ARHGEF3: variants seen among roughly 807,000 people sequenced by gnomAD.
ARHGEF3 encodes the protein 59.8 kDA protein.
Under a neutral mutation model 63.2 loss-of-function variants are expected in ARHGEF3, and 28 were observed. The ratio of observed to expected loss-of-function variants is 0.44; its 90% CI spans 0.33 to 0.61. The LOEUF (loss-of-function observed/expected upper bound fraction) is 0.61, where lower values mean the gene tolerates loss of function less well. ARHGEF3 is among the 20% of genes least tolerant of loss of function. The pLI is 0.03. For synonymous variants in ARHGEF3, 266 were observed against 254.2 expected (o/e 1.05, Z -0.44); for missense variants, 533 against 659.3 (o/e 0.81, Z 2.10).
At chr3:56,960,283 T>C (rs1443075357) in intron 2 of ARHGEF3, among the ~76,000 whole-genome samples, 1 of 152,196 alleles carries the variant, frequency 6.6e-6, no homozygotes, top group African/African-American at 2.4e-5. Context: ...ACCCATTTTA[T>C]AGATAAGAGC....
chr3:56,885,818 T>G (rs182884812), intron 3 of ARHGEF3, among the ~76,000 whole-genome samples: 1 of 152,262 alleles, frequency 6.6e-6, no homozygotes, highest in Admixed American at 6.5e-5. Context: ...GCATGAATTA[T>G]GAAAATGAAT....
At chr3:56,858,312 G>C (rs184543650) in intron 4 of ARHGEF3, among the ~76,000 whole-genome samples, 1 of 149,026 alleles carries the variant, frequency 6.7e-6, no homozygotes, top group African/African-American at 2.5e-5. Context: ...TCCATTCACT[G>C]TATCCACATG....
intron 2 of ARHGEF3, among the ~76,000 whole-genome samples, chr3:56,763,000 T>G (rs1041401290): frequency 6.6e-6 from 1 of 152,086 alleles, no homozygotes; most frequent in Non-Finnish European, 1.5e-5. Context: ...GAGTGGTAAG[T>G]GAGTGGCACA....
At chr3:57,007,240 C>T (rs1009848341) in intron 2 of ARHGEF3, 13 of 1,289,752 alleles carry the variant, frequency 1.0e-5, no homozygotes, top group Non-Finnish European at 1.3e-5. Context: ...TCAATAACAC[C>T]ATACTTCAGC....
intron 4 of ARHGEF3, among the ~76,000 whole-genome samples, chr3:56,839,840 C>T (rs902444558): frequency 3.5e-4 from 53 of 152,150 alleles, no homozygotes; most frequent in African/African-American, 1.2e-3. Flanking sequence ...CACCTTTTAC[C>T]CACCTGAGGA....
At chr3:57,042,795 C>T (rs536145632) in intron 1 of ARHGEF3, among the ~76,000 whole-genome samples, 2 of 147,614 alleles carry the variant, frequency 1.4e-5, no homozygotes, top group African/African-American at 5.0e-5. Context: ...CTCCTGGGTT[C>T]AGGCCATTCT....
intron 4 of ARHGEF3, among the ~76,000 whole-genome samples, chr3:56,847,791 T>A (rs753121789): frequency 1.2e-4 from 18 of 152,200 alleles, no homozygotes; most frequent in Non-Finnish European, 2.2e-4. Context: ...TTGGCCAGGC[T>A]GTTCTTGAAC....
intron 2 of ARHGEF3, among the ~76,000 whole-genome samples, chr3:57,002,824 A>G (rs1702310770): frequency 6.9e-6 from 1 of 144,334 alleles, no homozygotes. Context: ...ACCAGGCTGG[A>G]GTGCAGTGGC....
At chr3:56,853,148 G>A (rs1160856635) in intron 4 of ARHGEF3, among the ~76,000 whole-genome samples, 2 of 151,724 alleles carry the variant, frequency 1.3e-5, no homozygotes, top group East Asian at 1.9e-4. Context: ...TAGTACCTGA[G>A]CATGGGGTAC....
At chr3:57,041,365 A>T (rs1704179996) in intron 1 of ARHGEF3, among the ~76,000 whole-genome samples, 1 of 152,136 alleles carries the variant, frequency 6.6e-6, no homozygotes, top group Admixed American at 6.5e-5. Context: ...TGGTGAATTA[A>T]CTTGTTCAAG....
rs12497828 is a variant in ARHGEF3 at position 57,072,336 on chromosome 3, G to C, written c.-28+6890C>G. ...TCTTCCCTGAGGAATGGAAGAGCCA[G>C]GGCAGGTAAAAGAGAGGAGAAATGT... On this transcript the variant is annotated intron_variant, in intron 1 of 12. Coordinates refer to the ARHGEF3 transcript ENST00000338458. 1.1e-4 allele frequency among the ~76,000 whole-genome samples: 17 copies of C among 152,164 alleles called. No individual in the cohort carries two copies. The East Asian group carries it at 2.1e-3, about 19-fold the overall frequency.
chr3:56,854,771 G>T (rs1417509307), intron 4 of ARHGEF3, among the ~76,000 whole-genome samples: 1 of 139,558 alleles, frequency 7.2e-6, no homozygotes, highest in East Asian at 2.5e-4. Context: ...ACCTAGAGGG[G>T]TGGGGGGGTT....
intron 1 of ARHGEF3, among the ~76,000 whole-genome samples, chr3:57,061,592 G>T (rs1329602463): frequency 6.6e-6 from 1 of 152,136 alleles, no homozygotes. Context: ...TAACGCTGCT[G>T]GGAACATGGG....
chr3:57,021,131 A>G (rs1703239417), intron 2 of ARHGEF3, among the ~76,000 whole-genome samples: 6 of 152,236 alleles, frequency 3.9e-5, no homozygotes. Flanking sequence ...TGAAAAGCAC[A>G]GCTGTAACCA....
At chr3:56,985,273 G>A (rs2106921793) in intron 2 of ARHGEF3, among the ~76,000 whole-genome samples, 1 of 152,382 alleles carries the variant, frequency 6.6e-6, no homozygotes, top group African/African-American at 2.4e-5. Flanking sequence ...ATTTTTAGCA[G>A]AGAGAGGGTT....
intron 4 of ARHGEF3, among the ~76,000 whole-genome samples, chr3:56,855,159 G>A (rs548410867): frequency 2.6e-5 from 4 of 152,110 alleles, no homozygotes; most frequent in African/African-American, 9.6e-5. Context: ...AGGAGGGAGA[G>A]AGGTGAGGGG....
At chr3:56,851,970 T>C (rs1184418234) in intron 4 of ARHGEF3, among the ~76,000 whole-genome samples, 1 of 152,238 alleles carries the variant, frequency 6.6e-6, no homozygotes, top group Non-Finnish European at 1.5e-5. Flanking sequence ...TCATATCATG[T>C]CTGGGTAAGA....
chr3:57,058,920 C>T (rs572193767), intron 1 of ARHGEF3, among the ~76,000 whole-genome samples: 55 of 145,626 alleles, frequency 3.8e-4, no homozygotes, highest in African/African-American at 1.3e-3. Context: ...CATGTTCTCA[C>T]TCATAGGTGG....
In ARHGEF3 at chr3:56,923,339, A is replaced by G. The variant is rs2042200609; in HGVS notation, c.129+35484T>C. 2.0e-5 allele frequency among the ~76,000 whole-genome samples: 3 copies of G among 150,748 alleles called. No homozygotes were observed. In the Admixed American group the frequency reaches 2.0e-4, roughly 10 times the overall value. ...AATATTTTTTAAAAGACAAAGGCAC[A>G]GTAATAATTTATTTTTTTTCAAACA... On this transcript the variant is annotated intron_variant, in intron 3 of 12. Transcript: ENST00000338458.
Sources: allele counts gnomAD v4.1 joint callset (sites outside exome capture counted in the v4.1 genomes callset), GRCh38; gene constraint gnomAD v4.1.1; transcripts MANE v1.5; gene names NCBI Gene and HGNC (gene_info 2026-07-23, HGNC 2026-07-21).